The following HIPK3 variants were observed in gnomAD, a reference collection of about 807,000 sequenced individuals.
The protein encoded by HIPK3 is homeodomain-interacting protein kinase 3.
HIPK3 carries 47 observed loss-of-function variants against 124.2 expected under a neutral mutation model. That is an observed-to-expected ratio of 0.38 (90% CI 0.30 to 0.48). The LOEUF (loss-of-function observed/expected upper bound fraction) is 0.48. HIPK3 is among the 20% of genes least tolerant of loss of function. The probability of loss-of-function intolerance (pLI) is 0.98; values close to 1 mark genes in which losing one functional copy is unlikely to be tolerated. For missense variants in HIPK3, 1,286 were observed against 1,454.3 expected, an observed-to-expected ratio of 0.88 and a Z score of 1.88; for synonymous variants, 482 against 515.2, an observed-to-expected ratio of 0.94 and a Z score of 0.87.
In HIPK3 at chr11:33,319,591, A is replaced by G. The variant is rs966770265; in HGVS notation, c.1098-8919A>G. On this transcript the variant is annotated intron_variant, in intron 2 of 16. Coordinates refer to ENST00000303296, the MANE Select transcript of HIPK3 (RefSeq NM_005734.5). The stretch of plus-strand genomic sequence containing the variant: ...TGTAGTGATAAAACAGTTGTCCCCA[A>G]TGCAAAATGGCTATGTAAGAGTCCA... Among the ~76,000 whole-genome samples the G allele has an allele frequency of 2.6e-5, 4 of 152,310 alleles. No individual in the cohort carries two copies. The South Asian group carries it at 6.2e-4, about 24-fold the overall frequency.
At chr11:33,349,010 T>A in intron 13 of HIPK3, 137 bp from the exon 14 acceptor site, 1 of 904,234 alleles carries the variant, frequency 1.1e-6, no homozygotes, top group Non-Finnish European at 1.7e-6. Flanking sequence ...TTTCCTTGTA[T>A]CTGTAAGCTT....
chr11:33,302,525 A>G (rs1462323455), intron 2 of HIPK3, among the ~76,000 whole-genome samples: 3 of 151,854 alleles, frequency 2.0e-5, no homozygotes, highest in East Asian at 3.9e-4. Flanking sequence ...TTAGTAGAGA[A>G]GAGGTTTCAC....
intron 2 of HIPK3, among the ~76,000 whole-genome samples, chr11:33,293,833 T>C (rs969586324): frequency 1.3e-5 from 2 of 152,148 alleles, no homozygotes; most frequent in Non-Finnish European, 2.9e-5. Context: ...TCTGCTTTTA[T>C]GGTGTTTGCA....
Position 33,347,372 on chromosome 11 carries a change from A to C in HIPK3, c.1977A>C (p.Pro659=). The change falls in exon 9 of 17, where the codon CCA becomes CCC. Residue 659 remains proline (P), a synonymous_variant. Transcript: ENST00000303296. ...CAGTTCCACTTGTAACTCAGGCCCC[A>C]GCTGTGCAGCCACTACAGATCCGAC... ...DNTVPLVTQA[P]AVQPLQIRPG... is the part of the protein sequence containing the mutation. 1 of 1,614,134 alleles carries C rather than the reference A, an allele frequency of 6.2e-7. No homozygotes were observed.
At chr11:33,337,528 A>G (rs905690029) in intron 4 of HIPK3, among the ~76,000 whole-genome samples, 1 of 146,170 alleles carries the variant, frequency 6.8e-6, no homozygotes, top group Admixed American at 6.8e-5. Flanking sequence ...GCTAATTTTT[A>G]TATTTTTGGT....
intron 2 of HIPK3, among the ~76,000 whole-genome samples, chr11:33,327,569 C>A (rs1226591076): frequency 2.0e-5 from 3 of 152,052 alleles, no homozygotes; most frequent in Non-Finnish European, 4.4e-5. Context: ...TATCAGAGTT[C>A]ATTTCTTGAT....
At chr11:33,275,600 C>G (rs984270465) in intron 1 of HIPK3, among the ~76,000 whole-genome samples, 23 of 152,034 alleles carry the variant, frequency 1.5e-4, no homozygotes, top group Non-Finnish European at 3.4e-4. Context: ...TTACTGGCTA[C>G]ATATTGTTAT....
chr11:33,340,386 A>G (rs1189729430), intron 6 of HIPK3, among the ~76,000 whole-genome samples: 1 of 152,210 alleles, frequency 6.6e-6, no homozygotes, highest in African/African-American at 2.4e-5. Context: ...AAATCTTACA[A>G]ATTCTTTGAA....
At chr11:33,264,834 C>T (rs1383713756) in intron 1 of HIPK3, among the ~76,000 whole-genome samples, 1 of 152,114 alleles carries the variant, frequency 6.6e-6, no homozygotes, top group Non-Finnish European at 1.5e-5. Flanking sequence ...TTAAATATTT[C>T]CTACCCTATA....
At chr11:33,282,173 A>C (rs1191539134) in intron 1 of HIPK3, among the ~76,000 whole-genome samples, 1 of 151,280 alleles carries the variant, frequency 6.6e-6, no homozygotes, top group East Asian at 1.9e-4. Flanking sequence ...GATTGCTTGA[A>C]CCCAGGAGTT....
chr11:33,347,708 TA>T lies in HIPK3; in HGVS notation c.2101del (p.Thr701LeufsTer17). ...CCCCTGGCTCCTGCTACTACTACAC[TA>T]ACTTCTGAGAGTGTGGCTGGTTCAC... is the stretch of plus-strand genomic sequence containing the variant. The part of the protein sequence containing the change: ...VTPLAPATTT[L>X]TSESVAGSHR... On this transcript the variant is annotated frameshift_variant, in exon 10 of 17. Coordinates refer to ENST00000303296, the MANE Select transcript of HIPK3 (RefSeq NM_005734.5). LOFTEE classifies it high-confidence loss of function. 2.5e-6 allele frequency: 4 copies of T among 1,614,208 alleles called. No homozygotes were observed. Among genetic ancestry groups the T allele is most frequent in the Non-Finnish European group, 3.4e-6 (4 of 1,180,012 alleles).
At chr11:33,309,421 C>T (rs1428616066) in intron 2 of HIPK3, among the ~76,000 whole-genome samples, 2 of 152,170 alleles carry the variant, frequency 1.3e-5, no homozygotes, top group South Asian at 2.1e-4. Context: ...CCCAAACTTG[C>T]TTAGTTCTGA....
chr11:33,271,513 G>A lies in HIPK3; in HGVS notation c.-3+13624G>A, dbSNP rs534480409. On this transcript the variant is annotated intron_variant, in intron 1 of 16. Transcript: ENST00000303296. ...CCCTGGTGGTCTAGGATGCAGTGAG[G>A]CATGATTGTGCCACTGCATTCCAGC... 2.6e-5 allele frequency among the ~76,000 whole-genome samples: 4 copies of A among 152,082 alleles called. No individual in the cohort carries two copies. The South Asian group carries it at 8.3e-4, about 32-fold the overall frequency.
chr11:33,302,662 C>A (rs1336350268), intron 2 of HIPK3, among the ~76,000 whole-genome samples: 1 of 151,968 alleles, frequency 6.6e-6, no homozygotes, highest in Non-Finnish European at 1.5e-5. Flanking sequence ...TAATGGTAAA[C>A]CAGTGCGTTT....
intron 2 of HIPK3, among the ~76,000 whole-genome samples, chr11:33,307,697 T>C (rs924128136): frequency 9.2e-5 from 14 of 151,934 alleles, no homozygotes; most frequent in Non-Finnish European, 1.9e-4. Flanking sequence ...TGAACCACCG[T>C]GCCTGGCCTA....
chr11:33,259,779 A>G (rs1298396309), intron 1 of HIPK3, among the ~76,000 whole-genome samples: 2 of 147,610 alleles, frequency 1.4e-5, no homozygotes, highest in Non-Finnish European at 3.0e-5. Flanking sequence ...TTTGTTCCTT[A>G]ATCCCCCCCT....
chr11:33,319,872 G>C (rs1364030146), intron 2 of HIPK3, among the ~76,000 whole-genome samples: 1 of 152,210 alleles, frequency 6.6e-6, no homozygotes, highest in Non-Finnish European at 1.5e-5. Context: ...GTGCTATAGA[G>C]AACAGTCAAG....
chr11:33,312,098 T>C (rs1034871017), intron 2 of HIPK3, among the ~76,000 whole-genome samples: 39 of 152,202 alleles, frequency 2.6e-4, no homozygotes, highest in African/African-American at 9.4e-4. Flanking sequence ...GGCCTCAAGC[T>C]ATCCTTCTGC....
At position 33,337,107 on chromosome 11, in the gene HIPK3, A is replaced by G; in HGVS notation, c.1254A>G (p.Pro418=). 2 of 1,603,138 alleles carry G rather than the reference A, an allele frequency of 1.2e-6. No homozygotes were observed. The highest frequency in any genetic ancestry group is 1.7e-4 in the Middle Eastern group (1 of 6,026). The part of the protein sequence containing the change: ...IRYISQTQGL[P]GEQLLNVGTK... ...ACATTTCTCAGACTCAAGGTTTGCC[A>G]GGAGAACAGTTGTTAAATGTGGGTA... Residue 418 remains proline, a synonymous_variant, in exon 4 of 17, where the codon CCA becomes CCG. Transcript: ENST00000303296.
Sources: allele counts gnomAD v4.1 joint callset (sites outside exome capture counted in the v4.1 genomes callset), GRCh38; gene constraint gnomAD v4.1.1; transcripts MANE v1.5; gene names NCBI Gene and HGNC (gene_info 2026-07-23, HGNC 2026-07-21).